Variants in SCAI observed in about 807,000 individuals in gnomAD.
The protein encoded by SCAI is protein SCAI.
Under a neutral mutation model 92.2 loss-of-function variants are expected in SCAI, and 24 were observed. The observed-to-expected ratio is 0.26, with a 90% CI of 0.19 to 0.37. The LOEUF (loss-of-function observed/expected upper bound fraction) is 0.37. SCAI is among the 10% of genes least tolerant of loss of function. SCAI has a pLI of 1.00. For missense variants in SCAI, 450 were observed against 736.2 expected (o/e 0.61, Z 4.50); for synonymous variants, 261 against 258.6 (o/e 1.01, Z -0.09).
intron 1 of SCAI, 80 bp downstream of exon 1, chr9:125,143,288 GCGCCCCGAATGCTCCAC>G: frequency 1.4e-6 from 1 of 698,916 alleles, no homozygotes; most frequent in South Asian, 5.7e-5. Context: ...TCCGGTCTCT[GCGCCCCGAATGCTCCAC>G]CGCCCCGAGC....
intron 2 of SCAI, among the ~76,000 whole-genome samples, chr9:125,109,080 A>G (rs187303379): frequency 6.6e-6 from 1 of 152,206 alleles, no homozygotes; most frequent in Non-Finnish European, 1.5e-5. Context: ...GCTCTCTGAA[A>G]CATGTGCTGT....
At chr9:124,991,730 G>T (rs1832128393) in intron 14 of SCAI, among the ~76,000 whole-genome samples, 1 of 151,972 alleles carries the variant, frequency 6.6e-6, no homozygotes, top group African/African-American at 2.4e-5. Context: ...CCAGCTACTT[G>T]GGAGGCTGAG....
At chr9:125,053,711 G>A (rs1324321341) in intron 3 of SCAI, among the ~76,000 whole-genome samples, 1 of 152,154 alleles carries the variant, frequency 6.6e-6, no homozygotes, top group Non-Finnish European at 1.5e-5. Context: ...TTTTGGGGGT[G>A]ATTAAAATGA....
intron 14 of SCAI, among the ~76,000 whole-genome samples, chr9:124,976,667 C>T (rs1831762130): frequency 6.6e-6 from 1 of 152,188 alleles, no homozygotes. Context: ...AACAAGCTGA[C>T]ACTCAAACTA....
chr9:125,098,691 T>C (rs536792768), intron 2 of SCAI, among the ~76,000 whole-genome samples: 3 of 152,220 alleles, frequency 2.0e-5, no homozygotes, highest in Non-Finnish European at 2.9e-5. Flanking sequence ...GTCAGATGTG[T>C]GACAGAACTT....
intron 2 of SCAI, among the ~76,000 whole-genome samples, chr9:125,135,297 C>T: frequency 6.6e-6 from 1 of 152,304 alleles, no homozygotes; most frequent in African/African-American, 2.4e-5. Context: ...CAAAAGATAA[C>T]TCAGCCACTA....
chr9:124,994,872 A>C, intron 14 of SCAI, 62 bp downstream of exon 14: 1 of 1,016,214 alleles, frequency 9.8e-7, no homozygotes, highest in Non-Finnish European at 1.5e-6. Flanking sequence ...ACACATTAAG[A>C]GTGGGTACCC....
At chr9:125,019,289 C>A (rs1588155855) in intron 7 of SCAI, 84 bp from the exon 8 acceptor site, 1 of 723,970 alleles carries the variant, frequency 1.4e-6, no homozygotes, top group East Asian at 2.7e-5. Context: ...CTGACAGAAA[C>A]CGACATACTT....
At chr9:125,033,095 T>A (rs369037438) in intron 3 of SCAI, among the ~76,000 whole-genome samples, 6 of 147,826 alleles carry the variant, frequency 4.1e-5, no homozygotes, top group Non-Finnish European at 7.5e-5. Context: ...TAATAAGGAG[T>A]TTAGAAAAGG....
intron 2 of SCAI, among the ~76,000 whole-genome samples, chr9:125,111,560 T>A (rs10986568): frequency 0.066 from 5,738 of 86,398 alleles, 216 homozygotes; most frequent in Admixed American, 0.16. Flanking sequence ...TTTGTGAAAA[T>A]TTTTTTTTTT....
At chr9:124,961,331 C>T (rs1038575896) in intron 17 of SCAI, among the ~76,000 whole-genome samples, 2 of 151,052 alleles carry the variant, frequency 1.3e-5, no homozygotes, top group East Asian at 1.9e-4. Flanking sequence ...GGGTGACGTC[C>T]GCAATTTACT....
intron 2 of SCAI, among the ~76,000 whole-genome samples, chr9:125,059,429 G>C (rs1470122708): frequency 6.6e-6 from 1 of 152,160 alleles, no homozygotes; most frequent in Non-Finnish European, 1.5e-5. Context: ...GACTAGACAG[G>C]AGTAAATTTC....
chr9:124,958,510 A>G (rs1466642645), intron 17 of SCAI, among the ~76,000 whole-genome samples: 4 of 152,224 alleles, frequency 2.6e-5, no homozygotes, highest in Non-Finnish European at 5.9e-5. Flanking sequence ...CTGCATATGC[A>G]TATTAAAAAA....
chr9:124,979,464 CAGG>C (rs978513044), intron 14 of SCAI, among the ~76,000 whole-genome samples: 1 of 151,438 alleles, frequency 6.6e-6, no homozygotes, highest in Non-Finnish European at 1.5e-5. Flanking sequence ...TGCTAGAACC[CAGG>C]AGGCGGAGGT....
Position 125,018,818 on chromosome 9 carries a change from A to G in SCAI, c.842T>C (p.Ile281Thr). ...GQLSLADALI[I>T]GNCNNQVKFS... ...CTTTACCTGATTATTACAATTACCAATAATGAGTGCGTCAGCCAGAGACAA... is the reference window on the plus strand; with the variant it reads ...CTTTACCTGATTATTACAATTACCAGTAATGAGTGCGTCAGCCAGAGACAA... Residue 281 changes from isoleucine (I) to threonine (T), a missense_variant, in exon 9 of 18, where the codon ATT becomes ACT. Physicochemically the swap from Ile to Thr is moderately conservative, Grantham distance 89. This residue lies in a region of SCAI where 360 missense variants were observed against 601.8 expected (regional missense o/e 0.60). Transcript: ENST00000336505. 1 of 1,611,140 alleles carries G rather than the reference A, an allele frequency of 6.2e-7. No homozygotes were observed. The highest frequency in any genetic ancestry group is 8.5e-7 in the Non-Finnish European group (1 of 1,179,248).
At chr9:125,133,207 T>C (rs1195170720) in intron 2 of SCAI, among the ~76,000 whole-genome samples, 1 of 152,074 alleles carries the variant, frequency 6.6e-6, no homozygotes, top group Non-Finnish European at 1.5e-5. Flanking sequence ...CTAGGCAACA[T>C]GGCGAAACCC....
intron 2 of SCAI, among the ~76,000 whole-genome samples, chr9:125,094,708 C>T (rs12377991): frequency 0.23 from 35,601 of 152,028 alleles, 4,703 homozygotes; most frequent in Non-Finnish European, 0.3. Context: ...CCCCATGTTG[C>T]CCAGGCTGGT....
At chr9:125,124,464 C>T (rs1015484072) in intron 2 of SCAI, among the ~76,000 whole-genome samples, 3 of 152,132 alleles carry the variant, frequency 2.0e-5, no homozygotes, top group Admixed American at 2.0e-4. Context: ...AGTTCCAATA[C>T]AACAGCTACC....
At position 125,019,504 on chromosome 9, in the gene SCAI, A is replaced by AT. The variant is rs1434097400; in HGVS notation, c.610-300dup. Among the ~76,000 whole-genome samples, 11 of 152,170 alleles carry AT rather than the reference A, an allele frequency of 7.2e-5. No homozygotes were observed. In the South Asian group the frequency reaches 8.3e-4, roughly 12 times the overall value. On this transcript the variant is annotated intron_variant, in intron 7 of 17. Transcript: ENST00000336505. ...AAAGAGAAATTCAAAAATTTTAACA[A>AT]TAAAAAAAAATGAGGCTGGATGCAG... is the stretch of plus-strand genomic sequence containing the variant.
Sources: gnomAD v4.1 joint callset for allele counts (sites outside exome capture counted in the v4.1 genomes callset) on GRCh38, gnomAD v4.1.1 for gene constraint, gnomAD v4.1.1 regional missense constraint, MANE v1.5 for transcripts, NCBI Gene and HGNC (gene_info 2026-07-23, HGNC 2026-07-21) for gene names.